The following PPM1L variants were observed in gnomAD, a reference collection of about 807,000 sequenced individuals.
The protein encoded by PPM1L is protein phosphatase 1L.
A neutral mutation model predicts 31.4 loss-of-function variants in PPM1L; 13 were observed. The observed-to-expected ratio is 0.41, with a 90% CI of 0.27 to 0.66. PPM1L has a LOEUF of 0.66. Among genes scored for constraint, PPM1L ranks in the 30% least tolerant of loss-of-function variants. PPM1L has a pLI of 0.29. For missense variants in PPM1L, 326 were observed against 453.7 expected, an observed-to-expected ratio of 0.72 and a Z score of 2.56; for synonymous variants, 184 against 175.4, an observed-to-expected ratio of 1.05 and a Z score of -0.39.
intron 1 of PPM1L, among the ~76,000 whole-genome samples, chr3:160,831,617 G>C (rs1321449836): frequency 1.3e-5 from 2 of 152,192 alleles, no homozygotes; most frequent in Non-Finnish European, 2.9e-5. Flanking sequence ...GTTCAGCCCT[G>C]ACTACTGGGT....
At chr3:161,019,655 A>C (rs924123928) in intron 2 of PPM1L, among the ~76,000 whole-genome samples, 1 of 152,228 alleles carries the variant, frequency 6.6e-6, no homozygotes, top group African/African-American at 2.4e-5. Flanking sequence ...ACAAACTTTC[A>C]AATAAATAAA....
intron 1 of PPM1L, among the ~76,000 whole-genome samples, chr3:160,765,901 T>A (rs1715090138): frequency 1.3e-5 from 2 of 152,222 alleles, no homozygotes; most frequent in African/African-American, 4.8e-5. Context: ...TTTTCTCATT[T>A]GTTTATAATA....
At chr3:161,041,174 A>G (rs191528399) in intron 2 of PPM1L, among the ~76,000 whole-genome samples, 1 of 152,210 alleles carries the variant, frequency 6.6e-6, no homozygotes, top group Non-Finnish European at 1.5e-5. Flanking sequence ...AAACTCAACC[A>G]ATGACAAACT....
At chr3:161,028,826 C>T (rs936173484) in intron 2 of PPM1L, among the ~76,000 whole-genome samples, 1 of 152,168 alleles carries the variant, frequency 6.6e-6, no homozygotes, top group African/African-American at 2.4e-5. Flanking sequence ...TGCCAGTGTA[C>T]GTGCCCTCTA....
At chr3:161,031,501 C>T (rs1406858182) in intron 2 of PPM1L, among the ~76,000 whole-genome samples, 7 of 59,662 alleles carry the variant, frequency 1.2e-4, no homozygotes, top group African/African-American at 6.1e-4. Flanking sequence ...TGTATTCTGT[C>T]CTTTTTTTTT....
chr3:161,018,909 CA>C (rs966410111), intron 2 of PPM1L, among the ~76,000 whole-genome samples: 1 of 152,058 alleles, frequency 6.6e-6, no homozygotes, highest in African/African-American at 2.4e-5. Flanking sequence ...CACTATTTGA[CA>C]TTATATTAAA....
At chr3:160,933,606 G>T (rs1420280837) in intron 1 of PPM1L, among the ~76,000 whole-genome samples, 1 of 152,012 alleles carries the variant, frequency 6.6e-6, no homozygotes, top group Non-Finnish European at 1.5e-5. Context: ...GGAAGTTGGT[G>T]GGTAATAAGC....
chr3:161,032,809 C>T (rs1255469363), intron 2 of PPM1L, among the ~76,000 whole-genome samples: 1 of 151,512 alleles, frequency 6.6e-6, no homozygotes, highest in Non-Finnish European at 1.5e-5. Flanking sequence ...TCTCCTGCCT[C>T]AGCCTCCTGA....
rs75599237 is a variant in PPM1L at position 160,973,764 on chromosome 3, GTT to G, written c.574+11882_574+11883del. ...GGTAAATTGCCTTCTGAAAGGCCCT[GTT>G]TTTTTTTTTTTTTTTTTTTTTTTTT... On this transcript the variant is annotated intron_variant, in intron 2 of 3. Coordinates refer to ENST00000498165, the MANE Select transcript of PPM1L (RefSeq NM_139245.4). 6.6e-3 allele frequency among the ~76,000 whole-genome samples: 585 copies of G among 88,114 alleles called. 3 individuals carry two copies. The highest frequency in any genetic ancestry group is 0.019 in the African/African-American group (518 of 27,278). The allele number at this position is 88,114 out of a possible 152,430, so 57.8% of individuals were successfully genotyped here.
chr3:160,896,987 T>A (rs1713354461), intron 1 of PPM1L, among the ~76,000 whole-genome samples: 1 of 152,010 alleles, frequency 6.6e-6, no homozygotes, highest in African/African-American at 2.4e-5. Context: ...CTTACAGCTA[T>A]AGTGATTGCT....
In PPM1L at chr3:161,069,854, G is replaced by A. The variant is rs1719855134; in HGVS notation, c.*697G>A. ...TTTGTATACCACCTGACCAGCCTTT[G>A]TGCATTTATCCTAATCATGCATGAC... On this transcript the variant is annotated 3_prime_UTR_variant, in exon 4 of 4. Transcript: ENST00000498165. The A allele has an allele frequency of 6.6e-6, 1 of 152,266 alleles. No homozygotes were observed. Among genetic ancestry groups the A allele is most frequent in the South Asian group, 2.1e-4 (1 of 4,830 alleles). 9.4% of individuals were successfully genotyped at this position (152,266 alleles called of 1,614,324 possible).
In PPM1L at chr3:160,843,832, G is replaced by A. The variant is rs906816897; in HGVS notation, c.399+87125G>A. ...TGCTGCTATAAAGACACATGCACAC[G>A]TATGTTTATTGCGGCACTATTCACA... On this transcript the variant is annotated intron_variant, in intron 1 of 3. Transcript: ENST00000498165. Among the ~76,000 whole-genome samples the A allele has an allele frequency of 5.7e-4, 86 of 152,164 alleles. 1 individual carries two copies. Among genetic ancestry groups the A allele is most frequent in the East Asian group, 5.8e-4 (3 of 5,154 alleles).
chr3:161,033,445 A>T (rs1718640490), intron 2 of PPM1L, among the ~76,000 whole-genome samples: 1 of 152,214 alleles, frequency 6.6e-6, no homozygotes, highest in African/African-American at 2.4e-5. Flanking sequence ...AAACTATACT[A>T]CAAGGCTACG....
At chr3:160,807,124 G>A (rs1712628763) in intron 1 of PPM1L, among the ~76,000 whole-genome samples, 1 of 152,136 alleles carries the variant, frequency 6.6e-6, no homozygotes, top group Non-Finnish European at 1.5e-5. Context: ...GGACATGTAG[G>A]ATTATGTAAA....
rs145127563 is a variant in PPM1L, at chr3:160,789,944, C to T, written c.399+33237C>T. Among the ~76,000 whole-genome samples, 670 of 152,226 alleles carry T rather than the reference C, an allele frequency of 4.4e-3. 8 individuals carry two copies. The highest frequency in any genetic ancestry group is 6.1e-3 in the Non-Finnish European group (414 of 67,986). On this transcript the variant is annotated intron_variant, in intron 1 of 3. Coordinates refer to ENST00000498165, the MANE Select transcript of PPM1L (RefSeq NM_139245.4). The stretch of plus-strand genomic sequence containing the variant: ...TGGCATAGTATTTGCGTATAACCTA[C>T]ACACATTCTCTTGTATACTTTAAAT...
At position 160,756,656 on chromosome 3, in the gene PPM1L, C is replaced by T. The variant is rs146777298; in HGVS notation, c.348C>T (p.Ala116=). 6.2e-7 allele frequency: 1 copy of T among 1,614,018 alleles called. No individual in the cohort carries two copies. The highest frequency in any genetic ancestry group is 8.5e-7 in the Non-Finnish European group (1 of 1,180,022). The change falls in exon 1 of 4, where the codon GCC becomes GCT. Residue 116 remains alanine (A), a synonymous_variant. Coordinates refer to ENST00000498165, the MANE Select transcript of PPM1L (RefSeq NM_139245.4). This position sits in a 1 kb window ranked among gnomAD's most constrained non-coding sequence, Gnocchi z 6.2. ...GCTTCGAAGTTCTCACGGATCTGGC[C>T]AACAAGACGCACCCGTCCATCTTCG... ...EDRFEVLTDL[A]NKTHPSIFGI...
chr3:160,801,254 C>T (rs1438292269), intron 1 of PPM1L, among the ~76,000 whole-genome samples: 6 of 151,962 alleles, frequency 3.9e-5, no homozygotes, highest in South Asian at 4.1e-4. Context: ...CTATTCCAAA[C>T]ATTGGTGATT....
intron 1 of PPM1L, among the ~76,000 whole-genome samples, chr3:160,767,205 G>T (rs894612093): frequency 6.6e-6 from 1 of 151,688 alleles, no homozygotes; most frequent in South Asian, 2.1e-4. Context: ...TGTATGAGCA[G>T]CTGACAGATG....
chr3:161,040,691 CTG>C (rs903165452), intron 2 of PPM1L, among the ~76,000 whole-genome samples: 2 of 152,048 alleles, frequency 1.3e-5, no homozygotes, highest in African/African-American at 4.8e-5. Context: ...GGACTAATCT[CTG>C]ATTTTTTTTT....
Sources: allele counts gnomAD v4.1 joint callset (sites outside exome capture counted in the v4.1 genomes callset), GRCh38; gene constraint gnomAD v4.1.1; non-coding constraint Gnocchi (gnomAD v3.1); transcripts MANE v1.5; gene names NCBI Gene and HGNC (gene_info 2026-07-23, HGNC 2026-07-21).